The following SPRY3 variants were observed in gnomAD, a reference collection of about 807,000 sequenced individuals.
The protein encoded by SPRY3 is sprouty RTK signaling antagonist 3.
Under a neutral mutation model 20.2 loss-of-function variants are expected in SPRY3, and 15 were observed. The ratio of observed to expected loss-of-function variants is 0.74; its 90% confidence interval spans 0.50 to 1.14. The LOEUF is 1.14. Ranked by LOEUF, SPRY3 falls within the 50% of genes most tolerant of loss-of-function variation. SPRY3 has a pLI of 0.00. For synonymous variants in SPRY3, 143 were observed against 136.5 expected, an observed-to-expected ratio of 1.05 and a Z score of -0.33; for missense variants, 364 against 363.9, an observed-to-expected ratio of 1.00 and a Z score of 0.00.
chrX:155,708,192 A>G (rs1465980485), intron 2 of SPRY3, among the ~76,000 whole-genome samples: 1 of 151,266 alleles, frequency 6.6e-6, no homozygotes, highest in Non-Finnish European at 1.5e-5. Flanking sequence ...CAAACTTCTT[A>G]TAGGGCTGAT....
intron 2 of SPRY3, among the ~76,000 whole-genome samples, chrX:155,686,017 G>A (rs973967275): frequency 5.4e-5 from 6 of 111,356 alleles, no homozygotes; most frequent in African/African-American, 2.0e-4. Context: ...CTCATGACCC[G>A]CCTGCCTTGG....
At chrX:155,743,077 A>C (rs190718888) in intron 2 of SPRY3, among the ~76,000 whole-genome samples, 62 of 152,242 alleles carry the variant, frequency 4.1e-4, no homozygotes, top group African/African-American at 1.5e-3. Context: ...TAGCTAGACC[A>C]ATAAAGAAGA....
intron 2 of SPRY3, among the ~76,000 whole-genome samples, chrX:155,696,318 T>C (rs1407652144): frequency 9.2e-6 from 1 of 109,125 alleles, no homozygotes; most frequent in African/African-American, 3.3e-5. Context: ...GCATAATTGG[T>C]CCGTACAGCA....
In SPRY3 at chrX:155,773,934, T is replaced by G; in HGVS notation, c.63T>G (p.Thr21=). 3.7e-6 allele frequency: 6 copies of G among 1,613,944 alleles called. 1 individual carries two copies. The South Asian group carries it at 6.6e-5, about 18-fold the overall frequency. Residue 21 remains threonine (T), a synonymous_variant, in exon 4 of 4, where the codon ACT becomes ACG. Transcript: ENST00000675360. ...TGCCTATTGAACAGCTGCGCTCTACTCATGCTAGCAATGACTACGTGGAAC... is the reference window on the plus strand; with the variant it reads ...TGCCTATTGAACAGCTGCGCTCTACGCATGCTAGCAATGACTACGTGGAAC...
chrX:155,653,627 A>G lies in SPRY3; in HGVS notation c.-440-3240A>G, dbSNP rs189290049. Among the ~76,000 whole-genome samples, 787 of 111,906 alleles carry G rather than the reference A, an allele frequency of 7.0e-3. 8 individuals carry two copies. The highest frequency in any genetic ancestry group is 0.07 in the South Asian group (186 of 2,666). Reference sequence around the variant, plus strand: ...AGATGCCATTGTCTATCCTTATGCTAGTGCCACATTGTTTGGATTACTGTA... The same window carrying G: ...AGATGCCATTGTCTATCCTTATGCTGGTGCCACATTGTTTGGATTACTGTA... On this transcript the variant is annotated intron_variant, in intron 1 of 3. Transcript: ENST00000675360.
intron 1 of SPRY3, among the ~76,000 whole-genome samples, chrX:155,647,374 G>C (rs1363491936): frequency 9.1e-6 from 1 of 109,955 alleles, no homozygotes; most frequent in Non-Finnish European, 1.9e-5. Context: ...TTGTTACATA[G>C]GTATACATGT....
chrX:155,663,558 C>T (rs2124554251), intron 2 of SPRY3, among the ~76,000 whole-genome samples: 1 of 111,553 alleles, frequency 9.0e-6, no homozygotes, highest in African/African-American at 3.2e-5. Flanking sequence ...AAACAATAGA[C>T]AGTTTCTTTA....
At position 155,763,431 on chromosome X, in the gene SPRY3, T is replaced by G. The variant is rs189187935; in HGVS notation, c.-281-4531T>G. 5.0e-3 allele frequency among the ~76,000 whole-genome samples: 768 copies of G among 152,256 alleles called. 9 individuals carry two copies. The highest frequency in any genetic ancestry group is 0.018 in the African/African-American group (732 of 41,550). On this transcript the variant is annotated intron_variant, in intron 2 of 3. Coordinates refer to ENST00000675360, the Ensembl canonical transcript of SPRY3. ...TTACTCCAAAATACCCCAATTTGGC[T>G]GACCTGACTCTAGTATCTCCCCACT...
At chrX:155,663,317 A>C (rs1235876163) in intron 2 of SPRY3, among the ~76,000 whole-genome samples, 1 of 112,024 alleles carries the variant, frequency 8.9e-6, no homozygotes, top group Non-Finnish European at 1.9e-5. Flanking sequence ...AACTATATTT[A>C]CCTGTAAAGC....
chrX:155,737,277 A>G (rs2124569492), intron 2 of SPRY3, among the ~76,000 whole-genome samples: 1 of 152,186 alleles, frequency 6.6e-6, no homozygotes, highest in African/African-American at 2.4e-5. Flanking sequence ...ATGGGCATCT[A>G]GATTGATTCC....
At chrX:155,638,117 G>A (rs1239118022) in intron 1 of SPRY3, among the ~76,000 whole-genome samples, 1 of 103,107 alleles carries the variant, frequency 9.7e-6, no homozygotes, top group Non-Finnish European at 2.0e-5. Context: ...TTATTGGGTT[G>A]CCTTTTTTTC....
At position 155,660,182 on chromosome X, in the gene SPRY3, C is replaced by T. The variant is rs781879452; in HGVS notation, c.-282+3157C>T. Among the ~76,000 whole-genome samples, 53 of 111,346 alleles carry T rather than the reference C, an allele frequency of 4.8e-4. No homozygotes were observed. In the South Asian group the frequency reaches 0.013, roughly 28 times the overall value. ...TTTAATACTATAAACTCCCCCTTAGCGGTGTTTTTGCTGTATCCCAGGATC... is the reference window on the plus strand; with the variant it reads ...TTTAATACTATAAACTCCCCCTTAGTGGTGTTTTTGCTGTATCCCAGGATC... On this transcript the variant is annotated intron_variant, in intron 2 of 3. Transcript: ENST00000675360.
At chrX:155,639,649 T>C (rs2067934893) in intron 1 of SPRY3, among the ~76,000 whole-genome samples, 1 of 112,565 alleles carries the variant, frequency 8.9e-6, no homozygotes, top group Non-Finnish European at 1.9e-5. Context: ...ATTTTGGCTA[T>C]TATGAATACT....
In SPRY3 at chrX:155,706,605, C is replaced by T. The variant is rs1186367532; in HGVS notation, c.-282+49580C>T. On this transcript the variant is annotated intron_variant, in intron 2 of 3. Coordinates refer to ENST00000675360, the Ensembl canonical transcript of SPRY3. ...TTGATAGACCTTTAGCCAGAATGAT[C>T]AAGAAAAAAAAAATCAAGAAGACAA... Among the ~76,000 whole-genome samples the T allele has an allele frequency of 6.8e-5, 10 of 146,078 alleles. No homozygotes were observed. In the East Asian group the frequency reaches 2.0e-3, roughly 29 times the overall value.
At chrX:155,662,313 G>A (rs2068012346) in intron 2 of SPRY3, among the ~76,000 whole-genome samples, 1 of 110,888 alleles carries the variant, frequency 9.0e-6, no homozygotes, top group Non-Finnish European at 1.9e-5. Context: ...CTGTACGAAT[G>A]CCAGGGATAT....
chrX:155,647,706 T>G (rs2067962368), intron 1 of SPRY3, among the ~76,000 whole-genome samples: 1 of 112,286 alleles, frequency 8.9e-6, no homozygotes, highest in Non-Finnish European at 1.9e-5. Flanking sequence ...CAGTCTATCA[T>G]TGATGGGTAT....
At chrX:155,769,395 G>A (rs947188894) in intron 3 of SPRY3, among the ~76,000 whole-genome samples, 1 of 152,090 alleles carries the variant, frequency 6.6e-6, no homozygotes, top group African/African-American at 2.4e-5. Flanking sequence ...GGACAAGAAA[G>A]GCCTTTAAAA....
chrX:155,683,895 G>C (rs1464330478), intron 2 of SPRY3, among the ~76,000 whole-genome samples: 1 of 111,632 alleles, frequency 9.0e-6, no homozygotes, highest in African/African-American at 3.3e-5. Flanking sequence ...TAACTAAGGA[G>C]AATGAAGAGT....
At chrX:155,652,169 C>T (rs1328475688) in intron 1 of SPRY3, among the ~76,000 whole-genome samples, 2 of 111,419 alleles carry the variant, frequency 1.8e-5, no homozygotes, top group East Asian at 5.6e-4. Context: ...GCCCCTCCTC[C>T]AACATTGGGG....
Sources: allele counts gnomAD v4.1 joint callset (sites outside exome capture counted in the v4.1 genomes callset), GRCh38; gene constraint gnomAD v4.1.1; transcripts MANE v1.5; gene names NCBI Gene and HGNC (gene_info 2026-07-23, HGNC 2026-07-21).